HMGXB3: variants seen among roughly 807,000 people sequenced by gnomAD.
The protein encoded by HMGXB3 is HMG domain-containing protein 3.
Under a neutral mutation model 121.5 loss-of-function variants are expected in HMGXB3, and 45 were observed. That is an observed-to-expected ratio of 0.37 (90% CI 0.29 to 0.47). HMGXB3 has a LOEUF of 0.47. Among genes scored for constraint, HMGXB3 ranks in the 20% least tolerant of loss-of-function variants. The probability of loss-of-function intolerance (pLI) is 0.99; values close to 1 mark genes in which losing one functional copy is unlikely to be tolerated. For synonymous variants in HMGXB3, 590 were observed against 624.1 expected (o/e 0.95, Z 0.81); for missense variants, 1,376 against 1,602.2 (o/e 0.86, Z 2.41).
At chr5:150,007,187 G>T (rs1006360460) in intron 3 of HMGXB3, among the ~76,000 whole-genome samples, 10 of 152,218 alleles carry the variant, frequency 6.6e-5, no homozygotes, top group African/African-American at 2.4e-4. Context: ...AAAGATGGTG[G>T]AGGAGACCAA....
chr5:150,031,187 G>A (rs563444359), intron 10 of HMGXB3, among the ~76,000 whole-genome samples: 1 of 152,288 alleles, frequency 6.6e-6, no homozygotes, highest in South Asian at 2.1e-4. Context: ...TTACATTTAG[G>A]CAACGTTGCC....
intron 2 of HMGXB3, 131 bp from the exon 3 acceptor site, chr5:150,006,342 C>T (rs1755700436): frequency 3.2e-6 from 2 of 629,448 alleles, no homozygotes; most frequent in Non-Finnish European, 5.2e-6. Context: ...TCTTGACTAC[C>T]CATATCTTAG....
In HMGXB3 at chr5:150,040,924, C is replaced by T. The variant is rs938928797; in HGVS notation, c.2545+45C>T. ...CTTTCCCAAGGTTAGTCCTAAGCTCCCTCGGAATTTTCAGTGATGGCATTT... is the reference window on the plus strand; with the variant it reads ...CTTTCCCAAGGTTAGTCCTAAGCTCTCTCGGAATTTTCAGTGATGGCATTT... On this transcript the variant is annotated intron_variant, in intron 14 of 19. Coordinates refer to ENST00000502717, the MANE Select transcript of HMGXB3 (RefSeq NM_014983.3). 21 of 1,468,078 alleles carry T rather than the reference C, an allele frequency of 1.4e-5. No individual in the cohort carries two copies. In the African/African-American group the frequency reaches 3.1e-4, roughly 21 times the overall value. The allele number at this position is 1,468,078 out of a possible 1,614,324, so 90.9% of individuals were successfully genotyped here.
chr5:150,049,679 G>C (rs781223556), intron 18 of HMGXB3, among the ~76,000 whole-genome samples: 1 of 152,172 alleles, frequency 6.6e-6, no homozygotes. Context: ...GGCTGTGATG[G>C]GAGTGGCATC....
At chr5:150,003,887 A>C (rs1026962423) in intron 1 of HMGXB3, among the ~76,000 whole-genome samples, 1 of 152,188 alleles carries the variant, frequency 6.6e-6, no homozygotes, top group African/African-American at 2.4e-5. Flanking sequence ...CCAGGAGGTC[A>C]AGACTGTAGT....
chr5:150,002,881 G>C (rs1395298281), intron 1 of HMGXB3, among the ~76,000 whole-genome samples: 6 of 152,178 alleles, frequency 3.9e-5, no homozygotes, highest in Non-Finnish European at 7.3e-5. Context: ...GGTGGCTCAT[G>C]CCTGTAATCC....
At chr5:150,005,674 T>C (rs185563575) in intron 2 of HMGXB3, among the ~76,000 whole-genome samples, 2 of 150,766 alleles carry the variant, frequency 1.3e-5, no homozygotes, top group East Asian at 3.9e-4. Flanking sequence ...CTGTACAGAA[T>C]ATCCAAATTG....
In HMGXB3 at chr5:150,014,459, T is replaced by C. The variant is rs1042452449; in HGVS notation, c.909+2106T>C. On this transcript the variant is annotated intron_variant, in intron 5 of 19. Transcript: ENST00000502717. ...AGTGTATAAAAATACTTTTAAACGA[T>C]ACTTTCGATAGGTACAGTAGCACTT... Among the ~76,000 whole-genome samples the C allele has an allele frequency of 2.0e-5, 3 of 152,252 alleles. No homozygotes were observed. In the East Asian group the frequency reaches 5.8e-4, roughly 29 times the overall value.
intron 5 of HMGXB3, among the ~76,000 whole-genome samples, chr5:150,017,634 C>A (rs1410964854): frequency 6.6e-6 from 1 of 152,196 alleles, no homozygotes; most frequent in African/African-American, 2.4e-5. Context: ...ATAATTGAAG[C>A]CTTTTCCTTA....
Position 150,052,198 on chromosome 5 carries a change from G to A in HMGXB3, c.*6G>A. On this transcript the variant is annotated 3_prime_UTR_variant, in exon 20 of 20. Transcript: ENST00000502717. The stretch of plus-strand genomic sequence containing the variant: ...TGGCCGCAGTGGCAGAATAAGCCAG[G>A]CTGTTGTACAGGGACTACACCATCT... 6.5e-7 allele frequency: 1 copy of A among 1,535,412 alleles called. No individual in the cohort carries two copies. Among genetic ancestry groups the A allele is most frequent in the Non-Finnish European group, 8.8e-7 (1 of 1,138,390 alleles).
At chr5:150,015,783 A>G (rs543350739) in intron 5 of HMGXB3, among the ~76,000 whole-genome samples, 1 of 152,314 alleles carries the variant, frequency 6.6e-6, no homozygotes, top group Non-Finnish European at 1.5e-5. Flanking sequence ...GATTTTCCAG[A>G]TATCTTTCTG....
chr5:150,045,757 A>G (rs897203197), intron 16 of HMGXB3, 72 bp downstream of exon 16: 23 of 1,214,390 alleles, frequency 1.9e-5, no homozygotes, highest in African/African-American at 1.7e-4. Flanking sequence ...GTCCATGGCA[A>G]GATAGCACAG....
chr5:150,043,498 G>T (rs1756686100), intron 15 of HMGXB3, among the ~76,000 whole-genome samples: 1 of 152,156 alleles, frequency 6.6e-6, no homozygotes, highest in African/African-American at 2.4e-5. Context: ...GGTGTATTCT[G>T]GCAGGACCAC....
At chr5:150,012,469 TAA>T (rs1755862909) in intron 5 of HMGXB3, 116 bp downstream of exon 5, 19 of 734,534 alleles carry the variant, frequency 2.6e-5, no homozygotes, top group South Asian at 2.2e-4. Context: ...AGAAGATTTC[TAA>T]AAGTCTTAGA....
Position 150,010,562 on chromosome 5 carries a change from C to T in HMGXB3, c.764C>T (p.Pro255Leu). ...CTCCCCACTGGAAGCCTGGCTGTGC[C>T]CCACCCCCAGGTTGGGGAGAGTGTA... The part of the protein sequence containing the change: ...PDLPTGSLAV[P>L]HPQVGESVSV... The change falls in exon 4 of 20, where the codon CCC (proline) becomes CTC (leucine). Residue 255 changes from proline to leucine, a missense_variant. Coordinates refer to ENST00000502717, the MANE Select transcript of HMGXB3 (RefSeq NM_014983.3). 1 of 1,551,352 alleles carries T rather than the reference C, an allele frequency of 6.4e-7. No individual in the cohort carries two copies. The highest frequency in any genetic ancestry group is 8.7e-7 in the Non-Finnish European group (1 of 1,146,960).
At chr5:150,030,172 A>G (rs1211855267) in intron 9 of HMGXB3, 2 of 152,178 alleles carry the variant, frequency 1.3e-5, no homozygotes, top group Admixed American at 1.3e-4. Context: ...TAAAATATAC[A>G]TTCCTTATAA....
rs778567404 is a variant in HMGXB3 at position 150,011,860 on chromosome 5, C to T, written c.811-395C>T. On this transcript the variant is annotated intron_variant, in intron 4 of 19. Transcript: ENST00000502717. ...CTCCTGACCTCAGGTGATCCGCCCGCCTCGGCCTCCCAAAGTGCTGGGATT... is the reference window on the plus strand; with the variant it reads ...CTCCTGACCTCAGGTGATCCGCCCGTCTCGGCCTCCCAAAGTGCTGGGATT... Among the ~76,000 whole-genome samples the T allele has an allele frequency of 9.2e-4, 140 of 152,234 alleles. 1 individual carries two copies. The highest frequency in any genetic ancestry group is 5.8e-4 in the East Asian group (3 of 5,178).
intron 3 of HMGXB3, among the ~76,000 whole-genome samples, chr5:150,008,096 CACAA>C (rs1755750263): frequency 6.8e-6 from 1 of 146,618 alleles, no homozygotes; most frequent in East Asian, 2.0e-4. Context: ...CACACACACA[CACAA>C]ATCAGCAATC....
At chr5:150,008,672 G>A (rs1755764817) in intron 3 of HMGXB3, among the ~76,000 whole-genome samples, 1 of 152,244 alleles carries the variant, frequency 6.6e-6, no homozygotes, top group South Asian at 2.1e-4. Flanking sequence ...GCCAAGTGCA[G>A]GCTCCAGTGA....
Sources: allele counts gnomAD v4.1 joint callset (sites outside exome capture counted in the v4.1 genomes callset), GRCh38; gene constraint gnomAD v4.1.1; transcripts MANE v1.5; gene names NCBI Gene and HGNC (gene_info 2026-07-23, HGNC 2026-07-21).